WDFY3: variants seen among roughly 807,000 people sequenced by gnomAD.
WDFY3 encodes the protein WD repeat and FYVE domain containing 3.
A neutral mutation model predicts 409.6 loss-of-function variants in WDFY3; 66 were observed. The ratio of observed to expected loss-of-function variants is 0.16; its 90% CI spans 0.13 to 0.20. The LOEUF is 0.20. Ranked by LOEUF, WDFY3 falls within the 10% of genes least tolerant of loss-of-function variation. WDFY3 has a pLI of 1.00. For missense variants in WDFY3, 3,031 were observed against 4,298.1 expected (o/e 0.71, Z 8.24); for synonymous variants, 1,521 against 1,537.1 (o/e 0.99, Z 0.25).
At chr4:84,765,752 A>G in intron 32 of WDFY3, 58 bp downstream of exon 32, 1 of 1,479,506 alleles carries the variant, frequency 6.8e-7, no homozygotes. Flanking sequence ...CATAAAATTT[A>G]AAATAAAACA....
chr4:84,857,830 T>C (rs949487452), intron 4 of WDFY3, among the ~76,000 whole-genome samples: 22 of 152,202 alleles, frequency 1.4e-4, no homozygotes, highest in Non-Finnish European at 3.1e-4. Flanking sequence ...TCCTCTTCTG[T>C]TGTATCCAAC....
chr4:84,826,710 A>T, intron 10 of WDFY3, 105 bp downstream of exon 10: 1 of 1,152,050 alleles, frequency 8.7e-7, no homozygotes, highest in Non-Finnish European at 1.1e-6. Flanking sequence ...AAACTATATT[A>T]CTTTTATATA....
intron 46 of WDFY3, among the ~76,000 whole-genome samples, chr4:84,722,112 G>A (rs1248576310): frequency 6.6e-6 from 1 of 152,178 alleles, no homozygotes; most frequent in Non-Finnish European, 1.5e-5. Flanking sequence ...TTACGACTGG[G>A]TGCAGTAGCT....
intron 4 of WDFY3, among the ~76,000 whole-genome samples, chr4:84,855,973 C>A (rs1035884320): frequency 1.3e-5 from 2 of 152,188 alleles, no homozygotes; most frequent in Non-Finnish European, 2.9e-5. Context: ...CTGTCCAGTT[C>A]TGCCAGTGAC....
At chr4:84,830,870 A>G (rs1451665655) in intron 8 of WDFY3, among the ~76,000 whole-genome samples, 1 of 152,186 alleles carries the variant, frequency 6.6e-6, no homozygotes. Flanking sequence ...TTACACAACA[A>G]TGAAATTTTT....
intron 58 of WDFY3, among the ~76,000 whole-genome samples, chr4:84,695,636 A>G (rs1730017888): frequency 6.6e-6 from 1 of 152,040 alleles, no homozygotes; most frequent in Admixed American, 6.5e-5. Flanking sequence ...CTCTGCCTAA[A>G]ATCAGCACTG....
Position 84,860,452 on chromosome 4 carries a change from T to C in WDFY3, c.140A>G (p.Gln47Arg). 1.9e-6 allele frequency: 3 copies of C among 1,614,114 alleles called. No individual in the cohort carries two copies. The highest frequency in any genetic ancestry group is 2.5e-6 in the Non-Finnish European group (3 of 1,180,000). ...HPPRHMTQKEQEEKLYMMLPV... is the reference protein window; with the variant it reads ...HPPRHMTQKEREEKLYMMLPV... ...CAGCATCATATACAGTTTCTCTTCT[T>C]GTTCCTTCTGAGTCATGTGCCGGGG... is the stretch of plus-strand genomic sequence containing the variant. The change falls in exon 4 of 68, where the codon CAA (glutamine) becomes CGA (arginine). Residue 47 changes from glutamine (Q) to arginine (R), a missense_variant. By Grantham distance (43) the Gln-to-Arg change is conservative. Transcript: ENST00000295888.
At chr4:84,712,653 T>C (rs1470433314) in intron 51 of WDFY3, among the ~76,000 whole-genome samples, 1 of 151,826 alleles carries the variant, frequency 6.6e-6, no homozygotes, top group East Asian at 2.0e-4. Context: ...ACCCAGGAGG[T>C]TGCAGTGAGC....
At chr4:84,865,733 C>T (rs1761301409) in intron 3 of WDFY3, among the ~76,000 whole-genome samples, 1 of 152,266 alleles carries the variant, frequency 6.6e-6, no homozygotes, top group Non-Finnish European at 1.5e-5. Flanking sequence ...ATCCCTACAT[C>T]TATCATGATG....
intron 2 of WDFY3, among the ~76,000 whole-genome samples, chr4:84,924,718 T>A (rs1053936506): frequency 6.6e-5 from 10 of 152,156 alleles, no homozygotes; most frequent in Non-Finnish European, 1.3e-4. Flanking sequence ...GGAGTAAACA[T>A]TCAGAGGAAA....
At chr4:84,711,305 T>C (rs1732846817) in intron 51 of WDFY3, among the ~76,000 whole-genome samples, 1 of 152,100 alleles carries the variant, frequency 6.6e-6, no homozygotes, top group African/African-American at 2.4e-5. Flanking sequence ...TAAATGTAAA[T>C]GTCAAAAAGC....
intron 1 of WDFY3, among the ~76,000 whole-genome samples, chr4:84,936,281 G>A (rs1488907993): frequency 6.6e-6 from 1 of 152,128 alleles, no homozygotes; most frequent in African/African-American, 2.4e-5. Context: ...AGCTCTTTGT[G>A]AGGCTGAGGC....
chr4:84,926,282 T>C (rs529648453), intron 2 of WDFY3, among the ~76,000 whole-genome samples: 223 of 149,630 alleles, frequency 1.5e-3, no homozygotes, highest in Non-Finnish European at 2.0e-3. Context: ...CAAAAGTCTA[T>C]AGAAAAAGGA....
At chr4:84,887,982 GT>G (rs1269477942) in intron 3 of WDFY3, among the ~76,000 whole-genome samples, 1 of 152,132 alleles carries the variant, frequency 6.6e-6, no homozygotes, top group Non-Finnish European at 1.5e-5. Context: ...TCCACCAAGG[GT>G]GTAACCAGAT....
At chr4:84,711,911 C>T (rs1231896336) in intron 51 of WDFY3, among the ~76,000 whole-genome samples, 3 of 151,788 alleles carry the variant, frequency 2.0e-5, no homozygotes, top group Non-Finnish European at 4.4e-5. Context: ...CAAACTTATC[C>T]ACTAATAGTA....
chr4:84,896,039 C>T (rs1011470109), intron 3 of WDFY3, among the ~76,000 whole-genome samples: 4 of 151,966 alleles, frequency 2.6e-5, no homozygotes, highest in African/African-American at 4.8e-5. Context: ...GGACGGATCA[C>T]GAGGTCAAGA....
rs1578721548 is a variant in WDFY3 at position 84,831,015 on chromosome 4, T to C, written c.769+398A>G. Reference sequence around the variant, plus strand: ...CAGCCTGGCCAAGATGGTGAAACCCTGTCTCTACTAAAAATACAAAAATCA... The same window carrying C: ...CAGCCTGGCCAAGATGGTGAAACCCCGTCTCTACTAAAAATACAAAAATCA... On this transcript the variant is annotated intron_variant, in intron 8 of 67. Coordinates refer to ENST00000295888, the MANE Select transcript of WDFY3 (RefSeq NM_014991.6). Among the ~76,000 whole-genome samples the C allele has an allele frequency of 6.6e-5, 10 of 151,910 alleles. No individual in the cohort carries two copies. The South Asian group carries it at 2.1e-3, about 32-fold the overall frequency.
At chr4:84,688,015 C>G (rs1474385340) in intron 62 of WDFY3, 71 bp downstream of exon 62, 5 of 1,501,572 alleles carry the variant, frequency 3.3e-6, no homozygotes, top group Admixed American at 1.8e-5. Flanking sequence ...CCCCTGAGCC[C>G]CACCATTTTT....
chr4:84,920,428 A>C (rs1448142468), intron 2 of WDFY3, among the ~76,000 whole-genome samples: 1 of 152,234 alleles, frequency 6.6e-6, no homozygotes, highest in East Asian at 1.9e-4. Context: ...CAAATGGCTA[A>C]ATGAAAAGAA....
Sources: allele counts gnomAD v4.1 joint callset (sites outside exome capture counted in the v4.1 genomes callset), GRCh38; gene constraint gnomAD v4.1.1; transcripts MANE v1.5; gene names NCBI Gene and HGNC (gene_info 2026-07-23, HGNC 2026-07-21).